The following SMARCC1 variants were observed in gnomAD, a reference collection of about 807,000 sequenced individuals.
SMARCC1 encodes SWI/SNF complex subunit SMARCC1.
Under a neutral mutation model 147.4 loss-of-function variants are expected in SMARCC1, and 43 were observed. The ratio of observed to expected loss-of-function variants is 0.29; its 90% CI spans 0.23 to 0.38. The LOEUF is 0.38. Among genes scored for constraint, SMARCC1 ranks in the 10% least tolerant of loss-of-function variants. The pLI is 1.00. For missense variants in SMARCC1, 1,119 were observed against 1,381.1 expected (o/e 0.81, Z 3.01); for synonymous variants, 495 against 484.4 (o/e 1.02, Z -0.29).
intron 8 of SMARCC1, among the ~76,000 whole-genome samples, chr3:47,711,920 TATAAATAGAGCAGA>T (rs1297264339): frequency 1.3e-5 from 2 of 152,098 alleles, no homozygotes; most frequent in East Asian, 1.9e-4. Flanking sequence ...AACAGAGCAG[TATAAATAGAGCAGA>T]ATAAATAGAG....
At chr3:47,690,546 G>A (rs1301331679) in intron 12 of SMARCC1, among the ~76,000 whole-genome samples, 2 of 152,172 alleles carry the variant, frequency 1.3e-5, no homozygotes, top group Non-Finnish European at 2.9e-5. Context: ...ATGAATAAAG[G>A]CTGAGCAAAA....
intron 7 of SMARCC1, among the ~76,000 whole-genome samples, chr3:47,716,437 A>AC (rs1340653266): frequency 1.3e-5 from 2 of 151,230 alleles, no homozygotes; most frequent in Non-Finnish European, 1.5e-5. Context: ...AAAAAAAAAA[A>AC]AACCCAACCT....
At chr3:47,612,922 G>T (rs1054731745) in intron 25 of SMARCC1, among the ~76,000 whole-genome samples, 1 of 152,188 alleles carries the variant, frequency 6.6e-6, no homozygotes, top group African/African-American at 2.4e-5. Flanking sequence ...GGCAGATGCA[G>T]CAGAGCTTGC....
intron 26 of SMARCC1, among the ~76,000 whole-genome samples, chr3:47,609,315 T>G (rs1390516348): frequency 6.6e-6 from 1 of 151,994 alleles, no homozygotes; most frequent in African/African-American, 2.4e-5. Context: ...GCGAACACGG[T>G]GAAACCCCGT....
chr3:47,692,911 A>C (rs1018492831), intron 12 of SMARCC1, among the ~76,000 whole-genome samples: 1 of 152,068 alleles, frequency 6.6e-6, no homozygotes, highest in Non-Finnish European at 1.5e-5. Context: ...CTAGCTACTC[A>C]GGAGGCTGAG....
chr3:47,635,131 A>G, intron 24 of SMARCC1, 59 bp downstream of exon 24: 2 of 1,474,020 alleles, frequency 1.4e-6, no homozygotes, highest in Admixed American at 2.0e-5. Flanking sequence ...AATTAACTAA[A>G]AACAATACGA....
intron 19 of SMARCC1, among the ~76,000 whole-genome samples, chr3:47,667,332 AAG>A (rs1553681697): frequency 7.1e-6 from 1 of 140,168 alleles, no homozygotes. Context: ...AAAAAAAAAA[AAG>A]AGAGAGAGAG....
At chr3:47,649,388 G>C (rs113783462) in intron 21 of SMARCC1, among the ~76,000 whole-genome samples, 3 of 152,102 alleles carry the variant, frequency 2.0e-5, no homozygotes, top group South Asian at 4.1e-4. Flanking sequence ...TTACTTCTTC[G>C]GTATTATTTA....
chr3:47,610,396 C>T (rs932099727), intron 25 of SMARCC1, 69 bp from the exon 26 acceptor site: 35 of 1,543,080 alleles, frequency 2.3e-5, no homozygotes, highest in Non-Finnish European at 3.0e-5. Flanking sequence ...ACACAAAGGA[C>T]AACTACATAA....
At chr3:47,754,509 A>C (rs2034664895) in intron 2 of SMARCC1, among the ~76,000 whole-genome samples, 1 of 151,852 alleles carries the variant, frequency 6.6e-6, no homozygotes, top group South Asian at 2.1e-4. Flanking sequence ...CCTGAACTTT[A>C]CTCTTTTACA....
At position 47,663,500 on chromosome 3, in the gene SMARCC1, A is replaced by G. The variant is rs1016321913; in HGVS notation, c.1900-908T>C. On this transcript the variant is annotated intron_variant, in intron 19 of 27. Coordinates refer to ENST00000254480, the MANE Select transcript of SMARCC1 (RefSeq NM_003074.4). ...GTGGCACACATCTGTACTCCCAGCT[A>G]CTCAGGGGGCTGAGGCGAGAGGATC... is the stretch of plus-strand genomic sequence containing the variant. 7 of 675,802 alleles carry G rather than the reference A, an allele frequency of 1.0e-5. No individual in the cohort carries two copies. In the Admixed American group the frequency reaches 1.1e-4, roughly 10 times the overall value. 41.9% of individuals were successfully genotyped at this position (675,802 alleles called of 1,614,324 possible). A position where few individuals can be genotyped will look rare whatever the true frequency, so the allele number is the denominator to read the frequency against.
chr3:47,643,716 T>A (rs2033081920), intron 21 of SMARCC1, among the ~76,000 whole-genome samples: 1 of 152,204 alleles, frequency 6.6e-6, no homozygotes, highest in Admixed American at 6.5e-5. Context: ...AAATTCAAGA[T>A]GCTTAGTGCT....
At chr3:47,625,970 A>AT (rs2032803256) in intron 24 of SMARCC1, among the ~76,000 whole-genome samples, 1 of 152,108 alleles carries the variant, frequency 6.6e-6, no homozygotes, top group Non-Finnish European at 1.5e-5. Flanking sequence ...CCAGGGCAAC[A>AT]TAATGAGACC....
chr3:47,670,343 G>C, intron 19 of SMARCC1: 1 of 321,882 alleles, frequency 3.1e-6, no homozygotes, highest in East Asian at 5.9e-5. Context: ...CCAGAACTTT[G>C]GGAGGCCAAG....
At chr3:47,622,133 TTATC>T (rs2032743753) in intron 25 of SMARCC1, 70 bp downstream of exon 25, 7 of 1,341,216 alleles carry the variant, frequency 5.2e-6, no homozygotes, top group Non-Finnish European at 7.3e-6. Flanking sequence ...ACCATTTATT[TTATC>T]TAACTTGTTT....
chr3:47,727,969 G>A (rs2034320308), intron 6 of SMARCC1, among the ~76,000 whole-genome samples: 1 of 150,964 alleles, frequency 6.6e-6, no homozygotes, highest in African/African-American at 2.4e-5. Flanking sequence ...ATTATCACAT[G>A]CCACAGTCTC....
chr3:47,713,155 T>C (rs770636491), intron 8 of SMARCC1, among the ~76,000 whole-genome samples: 2 of 151,722 alleles, frequency 1.3e-5, no homozygotes, highest in Non-Finnish European at 2.9e-5. Context: ...ACCCCATCTC[T>C]ACTAAAAAAA....
chr3:47,588,381 A>T, intron 27 of SMARCC1, 75 bp from the exon 28 acceptor site: 1 of 1,396,662 alleles, frequency 7.2e-7, no homozygotes, highest in Non-Finnish European at 1.0e-6. Context: ...TTCAGTGAAA[A>T]AAAGACACAG....
intron 22 of SMARCC1, 38 bp downstream of exon 22, chr3:47,638,687 G>A: frequency 6.7e-7 from 1 of 1,498,156 alleles, no homozygotes; most frequent in Non-Finnish European, 9.3e-7. Flanking sequence ...TGGTCTGAAA[G>A]GCATGCTATC....
Sources: gnomAD v4.1 joint callset for allele counts (sites outside exome capture counted in the v4.1 genomes callset) on GRCh38, gnomAD v4.1.1 for gene constraint, MANE v1.5 for transcripts, NCBI Gene and HGNC (gene_info 2026-07-23, HGNC 2026-07-21) for gene names.